SUSD3: variants seen among roughly 807,000 people sequenced by gnomAD.
The protein encoded by SUSD3 is sushi domain containing 3, also known as sushi domain-containing protein 3.
A neutral mutation model predicts 20.6 loss-of-function variants in SUSD3; 18 were observed. The observed-to-expected ratio is 0.87, with a 90% CI of 0.60 to 1.30. The LOEUF (loss-of-function observed/expected upper bound fraction) is 1.30. Among genes scored for constraint, SUSD3 ranks in the 50% most tolerant of loss-of-function variants. The probability of loss-of-function intolerance (pLI) is 0.00; values close to 1 mark genes in which losing one functional copy is unlikely to be tolerated. For synonymous variants in SUSD3, 137 were observed against 141.5 expected (o/e 0.97, Z 0.23); for missense variants, 306 against 346.9 (o/e 0.88, Z 0.94).
intron 1 of SUSD3, among the ~76,000 whole-genome samples, chr9:93,066,811 C>T (rs1399409907): frequency 2.0e-5 from 3 of 151,792 alleles, no homozygotes; most frequent in African/African-American, 7.3e-5. Context: ...CGGGTTCAAG[C>T]GATTCCCCTG....
At chr9:93,081,343 C>T (rs1012402434) in intron 4 of SUSD3, among the ~76,000 whole-genome samples, 3 of 152,172 alleles carry the variant, frequency 2.0e-5, no homozygotes, top group Non-Finnish European at 2.9e-5. Flanking sequence ...TTCAGGCCCT[C>T]CTGCTGGAGT....
intron 4 of SUSD3, among the ~76,000 whole-genome samples, chr9:93,080,010 C>T (rs181683349): frequency 6.6e-6 from 1 of 152,276 alleles, no homozygotes; most frequent in East Asian, 1.9e-4. Context: ...AATATAAGGA[C>T]ATTCTTTTTC....
intron 1 of SUSD3, 44 bp from the exon 2 acceptor site, chr9:93,075,740 A>AC (rs748856301): frequency 0.013 from 1,901 of 146,918 alleles, 75 homozygotes; most frequent in East Asian, 0.036. Flanking sequence ...CTGCGTGCCC[A>AC]CCCCCCCCCC....
At chr9:93,079,678 C>T in intron 4 of SUSD3, 76 bp downstream of exon 4, 1 of 1,515,246 alleles carries the variant, frequency 6.6e-7, no homozygotes, top group Non-Finnish European at 9.0e-7. Flanking sequence ...CCACCTGCTG[C>T]TCCCACACGC....
At position 93,079,552 on chromosome 9, in the gene SUSD3, C is replaced by T. The variant is rs878892890; in HGVS notation, c.507C>T (p.Asn169=). The part of the protein sequence containing the change: ...QAAYLGLKHF[N]KPVSGPSQAH... ...CATACCTTGGCCTCAAGCACTTCAA[C>T]AAACCCGTGAGCGGGCCCAGCCAGG... is the stretch of plus-strand genomic sequence containing the variant. Residue 169 remains asparagine (N), a synonymous_variant, in exon 4 of 5, where the codon AAC becomes AAT. Transcript: ENST00000375472. The T allele has an allele frequency of 6.2e-7, 1 of 1,614,154 alleles. No individual in the cohort carries two copies. Among genetic ancestry groups the T allele is most frequent in the South Asian group, 1.1e-5 (1 of 91,074 alleles).
intron 1 of SUSD3, among the ~76,000 whole-genome samples, chr9:93,068,916 T>G (rs1175401440): frequency 6.6e-6 from 1 of 152,204 alleles, no homozygotes; most frequent in African/African-American, 2.4e-5. Context: ...AAGTTTAATT[T>G]ATAAATTGAA....
chr9:93,083,258 G>A (rs2119015370), intron 4 of SUSD3, among the ~76,000 whole-genome samples: 1 of 152,316 alleles, frequency 6.6e-6, no homozygotes, highest in East Asian at 1.9e-4. Flanking sequence ...GAGACCTCGA[G>A]CACTCAGCCC....
At chr9:93,069,290 C>G (rs1315261145) in intron 1 of SUSD3, 1 of 574,850 alleles carries the variant, frequency 1.7e-6, no homozygotes, top group Non-Finnish European at 3.2e-6. Context: ...TGTGTTCAGG[C>G]AACTCTCATT....
In SUSD3 at chr9:93,058,746, C is replaced by T. The variant is rs1366358189; in HGVS notation, c.4C>T (p.Arg2Cys). The change falls in exon 1 of 5, where the codon CGC becomes TGC. Residue 2 changes from arginine (R) to cysteine (C), a missense_variant. Arg to Cys is a radical substitution (Grantham distance 180, BLOSUM62 -3). Coordinates refer to ENST00000375472, the MANE Select transcript of SUSD3 (RefSeq NM_145006.4). M[R>C]WAAATLRGKA... ...CAAGCGCCTCGGAGCGCGCAGGATG[C>T]GCTGGGCGGCCGCCACCCTCCGTGG... 6 of 1,235,086 alleles carry T rather than the reference C, an allele frequency of 4.9e-6. No individual in the cohort carries two copies. The highest frequency in any genetic ancestry group is 4.0e-6 in the Non-Finnish European group (4 of 989,162). 76.5% of individuals were successfully genotyped at this position (1,235,086 alleles called of 1,614,324 possible). A position where few individuals can be genotyped will look rare whatever the true frequency, so the allele number is the denominator to read the frequency against.
At chr9:93,076,273 A>G (rs1826161423) in intron 2 of SUSD3, among the ~76,000 whole-genome samples, 1 of 152,206 alleles carries the variant, frequency 6.6e-6, no homozygotes, top group Admixed American at 6.5e-5. Context: ...TCTCTGAGCC[A>G]GCACGTTTTC....
chr9:93,075,735 T>TGGGGG, intron 1 of SUSD3, 49 bp from the exon 2 acceptor site: 11 of 247,410 alleles, frequency 4.4e-5, no homozygotes, highest in East Asian at 1.1e-4. Flanking sequence ...CTGCCCTGCG[T>TGGGGG]GCCCACCCCC....
At chr9:93,074,446 A>C (rs1046537098) in intron 1 of SUSD3, among the ~76,000 whole-genome samples, 8 of 130,638 alleles carry the variant, frequency 6.1e-5, no homozygotes, top group African/African-American at 1.8e-4. Context: ...AAAAAAAAAA[A>C]AAAAAAAAAA....
At chr9:93,070,866 G>A (rs1825884178) in intron 1 of SUSD3, among the ~76,000 whole-genome samples, 1 of 152,216 alleles carries the variant, frequency 6.6e-6, no homozygotes, top group Non-Finnish European at 1.5e-5. Flanking sequence ...TAGAGCCTGG[G>A]CATTATTCTT....
At chr9:93,076,005 G>T in intron 2 of SUSD3, 33 bp downstream of exon 2, 1 of 1,550,988 alleles carries the variant, frequency 6.4e-7, no homozygotes, top group South Asian at 1.2e-5. Context: ...GGTGGCTCTG[G>T]GGGTGGGGGA....
chr9:93,060,036 G>A (rs554439801), intron 1 of SUSD3, among the ~76,000 whole-genome samples: 9 of 152,334 alleles, frequency 5.9e-5, no homozygotes, highest in South Asian at 2.1e-4. Context: ...GCCTGGGGGC[G>A]TGGGTGCCAG....
chr9:93,080,318 CAAAAA>C (rs56134136), intron 4 of SUSD3, among the ~76,000 whole-genome samples: 2 of 56,780 alleles, frequency 3.5e-5, no homozygotes, highest in Non-Finnish European at 7.5e-5. Flanking sequence ...GACTCCGTCT[CAAAAA>C]AAAAAAAAAA....
In SUSD3 at chr9:93,077,984, G is replaced by C. The variant is rs369578788; in HGVS notation, c.416G>C (p.Arg139Pro). Residue 139 changes from arginine (R) to proline (P), a missense_variant, in exon 3 of 5, where the codon CGC (arginine) becomes CCC (proline). Arg to Pro is a moderately radical substitution (Grantham distance 103, BLOSUM62 -2). Coordinates refer to ENST00000375472, the MANE Select transcript of SUSD3 (RefSeq NM_145006.4). ...LKCVKKSKRR[R>P]SNRSAQLWSQ... ...TGCGTGAAGAAGAGCAAGCGGCGGC[G>C]CTCCAACAGGTACGGTGGCCTCATG... 1.2e-6 allele frequency: 2 copies of C among 1,614,082 alleles called. No homozygotes were observed. Among genetic ancestry groups the C allele is most frequent in the African/African-American group, 1.3e-5 (1 of 74,938 alleles).
At chr9:93,071,828 GGGATACTAGA>G (rs1825923235) in intron 1 of SUSD3, among the ~76,000 whole-genome samples, 1 of 152,182 alleles carries the variant, frequency 6.6e-6, no homozygotes, top group Non-Finnish European at 1.5e-5. Context: ...ATGGGGAGAA[GGGATACTAGA>G]GGCAACCGCA....
At chr9:93,059,545 C>T (rs1825426556) in intron 1 of SUSD3, among the ~76,000 whole-genome samples, 1 of 152,200 alleles carries the variant, frequency 6.6e-6, no homozygotes, top group Non-Finnish European at 1.5e-5. Flanking sequence ...AAGTCTAACC[C>T]TTTTAGAAAC....
Sources: gnomAD v4.1 joint callset for allele counts (sites outside exome capture counted in the v4.1 genomes callset) on GRCh38, gnomAD v4.1.1 for gene constraint, MANE v1.5 for transcripts, NCBI Gene and HGNC (gene_info 2026-07-23, HGNC 2026-07-21) for gene names.